The following ADGRL3 variants were observed in gnomAD, a reference collection of about 807,000 sequenced individuals.
The protein encoded by ADGRL3 is adhesion G protein-coupled receptor L3.
In ADGRL3, 62 loss-of-function variants were observed where a neutral mutation model predicts 153.5. That is an observed-to-expected ratio of 0.40 (90% CI 0.33 to 0.50). The LOEUF (loss-of-function observed/expected upper bound fraction) is 0.50, where lower values mean the gene tolerates loss of function less well. Among genes scored for constraint, ADGRL3 ranks in the 20% least tolerant of loss-of-function variants. The pLI, the probability that ADGRL3 is intolerant of heterozygous loss-of-function variation, is 0.47. For synonymous variants in ADGRL3, 710 were observed against 672.5 expected, an observed-to-expected ratio of 1.06 and a Z score of -0.86; for missense variants, 1,641 against 1,859.4, an observed-to-expected ratio of 0.88 and a Z score of 2.16.
intron 17 of ADGRL3, among the ~76,000 whole-genome samples, chr4:61,977,210 T>C (rs534572154): frequency 9.4e-4 from 143 of 151,732 alleles, no homozygotes; most frequent in South Asian, 1.5e-3. Flanking sequence ...TTTCTTTTTT[T>C]CTTGTTCTTT....
intron 1 of ADGRL3, among the ~76,000 whole-genome samples, chr4:61,358,132 T>C (rs1327326810): frequency 1.3e-5 from 2 of 152,208 alleles, no homozygotes; most frequent in Admixed American, 1.3e-4. Flanking sequence ...ATATTCATGT[T>C]GTCAAATCCA....
At chr4:61,520,343 T>G (rs2152916101) in intron 4 of ADGRL3, among the ~76,000 whole-genome samples, 1 of 152,190 alleles carries the variant, frequency 6.6e-6, no homozygotes, top group Non-Finnish European at 1.5e-5. Context: ...ATTAAAAAAG[T>G]TCATTGAGAA....
intron 5 of ADGRL3, among the ~76,000 whole-genome samples, chr4:61,661,830 A>T (rs1382373324): frequency 6.6e-6 from 1 of 152,244 alleles, no homozygotes; most frequent in Non-Finnish European, 1.5e-5. Context: ...GATCAATATT[A>T]AAAAAGTTCC....
intron 2 of ADGRL3, among the ~76,000 whole-genome samples, chr4:61,477,847 A>T (rs1442501215): frequency 6.6e-6 from 1 of 152,048 alleles, no homozygotes. Context: ...TGAAATATGT[A>T]TCTTTTTTAC....
At chr4:61,501,251 T>C (rs780594237) in intron 3 of ADGRL3, among the ~76,000 whole-genome samples, 3 of 152,202 alleles carry the variant, frequency 2.0e-5, no homozygotes, top group Non-Finnish European at 4.4e-5. Context: ...ATTTCTTCCC[T>C]CATTGAGCTT....
intron 1 of ADGRL3, among the ~76,000 whole-genome samples, chr4:61,250,371 TCTTA>T (rs1367015369): frequency 7.2e-5 from 11 of 152,150 alleles, no homozygotes; most frequent in Non-Finnish European, 4.4e-5. Flanking sequence ...TTGGGGTTCT[TCTTA>T]CTTCTTAAAT....
chr4:61,478,239 T>A (rs1229977667), intron 2 of ADGRL3, among the ~76,000 whole-genome samples: 1 of 152,124 alleles, frequency 6.6e-6, no homozygotes, highest in Non-Finnish European at 1.5e-5. Flanking sequence ...ATTTTAGATC[T>A]TCTGCTTAAT....
At chr4:61,970,593 A>G (rs1378589755) in intron 17 of ADGRL3, among the ~76,000 whole-genome samples, 3 of 152,128 alleles carry the variant, frequency 2.0e-5, no homozygotes, top group Non-Finnish European at 4.4e-5. Flanking sequence ...TCAAAGGACA[A>G]TTGTATATGA....
rs550189796 is a variant in ADGRL3 at position 61,267,192 on chromosome 4, C to T, written c.-240+65427C>T. Among the ~76,000 whole-genome samples, 167 of 151,694 alleles carry T rather than the reference C, an allele frequency of 1.1e-3. 1 individual carries two copies. Among genetic ancestry groups the T allele is most frequent in the Non-Finnish European group, 1.3e-3 (88 of 67,720 alleles). ...TATTCATAATAACCTTTTCTAAAAA[C>T]AAAATAAATGTCGAATGTAATGAAT... On this transcript the variant is annotated intron_variant, in intron 1 of 26. Transcript: ENST00000683033.
chr4:61,485,109 A>G (rs1407437429), intron 2 of ADGRL3, among the ~76,000 whole-genome samples: 1 of 152,162 alleles, frequency 6.6e-6, no homozygotes, highest in Non-Finnish European at 1.5e-5. Context: ...TATTTTGGGC[A>G]CTGATATTCT....
intron 18 of ADGRL3, among the ~76,000 whole-genome samples, chr4:61,980,526 A>G (rs1043078442): frequency 4.6e-5 from 7 of 151,134 alleles, no homozygotes; most frequent in Non-Finnish European, 7.4e-5. Flanking sequence ...TGCAATCTCC[A>G]CCTCCCAAGC....
intron 1 of ADGRL3, among the ~76,000 whole-genome samples, chr4:61,367,566 C>T (rs2096428302): frequency 6.6e-6 from 1 of 150,946 alleles, no homozygotes; most frequent in South Asian, 2.1e-4. Context: ...AGGACATGAA[C>T]TCATCATTTT....
intron 6 of ADGRL3, among the ~76,000 whole-genome samples, chr4:61,694,620 A>G (rs527361064): frequency 6.6e-6 from 1 of 152,222 alleles, no homozygotes; most frequent in Non-Finnish European, 1.5e-5. Context: ...ATGGCTGCTG[A>G]CTGATCAGGG....
chr4:61,480,672 A>G (rs887435853), intron 2 of ADGRL3, among the ~76,000 whole-genome samples: 2 of 151,996 alleles, frequency 1.3e-5, no homozygotes, highest in African/African-American at 4.8e-5. Context: ...AAGCCCAGCT[A>G]CTCGGGAGAC....
At chr4:61,360,420 C>T (rs2096265281) in intron 1 of ADGRL3, among the ~76,000 whole-genome samples, 3 of 152,054 alleles carry the variant, frequency 2.0e-5, no homozygotes, top group Non-Finnish European at 2.9e-5. Context: ...GTATGTCAGA[C>T]AGCACTGACC....
chr4:61,441,416 A>G (rs1409882654), intron 2 of ADGRL3, among the ~76,000 whole-genome samples: 2 of 152,150 alleles, frequency 1.3e-5, no homozygotes, highest in African/African-American at 4.8e-5. Context: ...ATATCCAGAA[A>G]TTGTTCTCAC....
chr4:61,522,432 G>A (rs557362043), intron 4 of ADGRL3, among the ~76,000 whole-genome samples: 1 of 152,198 alleles, frequency 6.6e-6, no homozygotes, highest in South Asian at 2.1e-4. Flanking sequence ...TGTTCTCATT[G>A]ATTAAGACTC....
chr4:61,983,216 T>G (rs1353019427), intron 18 of ADGRL3, among the ~76,000 whole-genome samples, 167 bp from the exon 19 acceptor site: 2 of 152,212 alleles, frequency 1.3e-5, no homozygotes, highest in Non-Finnish European at 1.5e-5. Context: ...ATAGATTATA[T>G]TTAAGTATAT....
chr4:61,507,658 G>C (rs1339524465), intron 3 of ADGRL3, among the ~76,000 whole-genome samples: 1 of 152,166 alleles, frequency 6.6e-6, no homozygotes, highest in Non-Finnish European at 1.5e-5. Flanking sequence ...GATTGAGTTT[G>C]TTGTGTGTAT....
Sources: gnomAD v4.1 joint callset for allele counts (sites outside exome capture counted in the v4.1 genomes callset) on GRCh38, gnomAD v4.1.1 for gene constraint, MANE v1.5 for transcripts, NCBI Gene and HGNC (gene_info 2026-07-23, HGNC 2026-07-21) for gene names.